CTNNA2: variants seen among roughly 807,000 people sequenced by gnomAD.
CTNNA2 encodes catenin alpha-2.
Under a neutral mutation model 101.0 loss-of-function variants are expected in CTNNA2, and 42 were observed. That is an observed-to-expected ratio of 0.42 (90% CI 0.32 to 0.54). The LOEUF is 0.54. Ranked by LOEUF, CTNNA2 falls within the 20% of genes least tolerant of loss-of-function variation. The pLI, the probability that CTNNA2 is intolerant of heterozygous loss-of-function variation, is 0.14. For missense variants in CTNNA2, 871 were observed against 1,223.1 expected (o/e 0.71, Z 4.29); for synonymous variants, 450 against 456.4 (o/e 0.99, Z 0.18).
chr2:79,353,707 T>C (rs1210900318), intron 3 of CTNNA2, among the ~76,000 whole-genome samples: 1 of 152,154 alleles, frequency 6.6e-6, no homozygotes, highest in African/African-American at 2.4e-5. Context: ...GATCCTGTCA[T>C]TGTGTCGTTA....
At chr2:79,654,387 G>A (rs1006551967) in intron 2 of CTNNA2, among the ~76,000 whole-genome samples, 4 of 152,128 alleles carry the variant, frequency 2.6e-5, no homozygotes, top group Non-Finnish European at 4.4e-5. Flanking sequence ...CTCTAGGGAG[G>A]CATCTAGTTC....
chr2:80,606,986 G>C (rs897601912), intron 16 of CTNNA2, among the ~76,000 whole-genome samples: 2 of 151,870 alleles, frequency 1.3e-5, no homozygotes, highest in African/African-American at 4.8e-5. Flanking sequence ...AACAGTCTCT[G>C]TGGAATTCTT....
At chr2:80,041,666 A>G (rs968052592) in intron 7 of CTNNA2, among the ~76,000 whole-genome samples, 6 of 152,216 alleles carry the variant, frequency 3.9e-5, no homozygotes, top group African/African-American at 7.2e-5. Flanking sequence ...ATGAGTTCCC[A>G]TAGTCATAGT....
At chr2:79,444,148 G>T (rs1421647204) in intron 4 of CTNNA2, among the ~76,000 whole-genome samples, 1 of 152,014 alleles carries the variant, frequency 6.6e-6, no homozygotes. Context: ...TTGCAGCCTG[G>T]TGAGAGATCC....
At chr2:80,443,062 A>AT (rs1488860522) in intron 9 of CTNNA2, among the ~76,000 whole-genome samples, 1 of 152,164 alleles carries the variant, frequency 6.6e-6, no homozygotes. Flanking sequence ...GGAAAGATGA[A>AT]TTTGTAGGCC....
chr2:79,495,866 G>T (rs1433837073), intron 4 of CTNNA2, among the ~76,000 whole-genome samples: 2 of 152,164 alleles, frequency 1.3e-5, no homozygotes, highest in East Asian at 1.9e-4. Context: ...AGTTACAAAA[G>T]ACTACATATA....
intron 2 of CTNNA2, among the ~76,000 whole-genome samples, chr2:79,239,308 C>T (rs1373331533): frequency 6.6e-6 from 1 of 152,132 alleles, no homozygotes; most frequent in East Asian, 1.9e-4. Context: ...AGAAATAAGA[C>T]CACACATCTA....
At chr2:79,647,798 T>G (rs1680928266) in intron 1 of CTNNA2, among the ~76,000 whole-genome samples, 1 of 152,192 alleles carries the variant, frequency 6.6e-6, no homozygotes, top group Non-Finnish European at 1.5e-5. Context: ...CTTGATCATG[T>G]GTTGATGGTT....
chr2:80,536,671 A>G (rs1691053657), intron 9 of CTNNA2, among the ~76,000 whole-genome samples: 1 of 152,224 alleles, frequency 6.6e-6, no homozygotes, highest in Admixed American at 6.5e-5. Flanking sequence ...TTGGAGTTAA[A>G]TGCCTAAATA....
chr2:79,438,346 G>A (rs1405529723), intron 4 of CTNNA2, among the ~76,000 whole-genome samples: 1 of 152,168 alleles, frequency 6.6e-6, no homozygotes, highest in African/African-American at 2.4e-5. Context: ...AACGCACAAA[G>A]CCCTGTGAGG....
At chr2:80,527,191 A>G (rs187419167) in intron 9 of CTNNA2, among the ~76,000 whole-genome samples, 2 of 152,386 alleles carry the variant, frequency 1.3e-5, no homozygotes, top group African/African-American at 2.4e-5. Context: ...ACTCACTTTC[A>G]TAGAGTTGTA....
At chr2:79,796,165 T>TA (rs1675680221) in intron 3 of CTNNA2, among the ~76,000 whole-genome samples, 1 of 152,146 alleles carries the variant, frequency 6.6e-6, no homozygotes, top group African/African-American at 2.4e-5. Flanking sequence ...GCACCCGTCT[T>TA]AACACTGTTA....
chr2:79,336,885 G>A (rs1201578484), intron 3 of CTNNA2, among the ~76,000 whole-genome samples: 1 of 152,142 alleles, frequency 6.6e-6, no homozygotes, highest in African/African-American at 2.4e-5. Flanking sequence ...TTCACTAGAG[G>A]TTCTGGCAGT....
rs558918389 is a variant in CTNNA2, at chr2:80,386,186, T to C, written c.1057-7025T>C. On this transcript the variant is annotated intron_variant, in intron 7 of 18. Transcript: ENST00000402739. ...CAGCCTGGCAGAGAAGAATCAGAGA[T>C]ACATCAGTGTTTCCCTTTTCACCTT... Among the ~76,000 whole-genome samples, 35 of 152,318 alleles carry C rather than the reference T, an allele frequency of 2.3e-4. No individual in the cohort carries two copies. In the South Asian group the frequency reaches 5.8e-3, roughly 25 times the overall value.
chr2:79,412,265 A>G (rs1317887772), intron 4 of CTNNA2, among the ~76,000 whole-genome samples: 6 of 152,088 alleles, frequency 3.9e-5, no homozygotes, highest in Admixed American at 3.9e-4. Context: ...GAGACCAACA[A>G]AGAGACTTAG....
intron 2 of CTNNA2, among the ~76,000 whole-genome samples, chr2:79,202,784 C>T (rs1674054658): frequency 6.6e-6 from 1 of 151,918 alleles, no homozygotes. Flanking sequence ...CATCTCTCTC[C>T]CACAAGCCCA....
intron 7 of CTNNA2, chr2:80,301,936 G>T: frequency 8.4e-6 from 2 of 236,756 alleles, no homozygotes; most frequent in Non-Finnish European, 1.6e-5. Context: ...AAAAATCAAT[G>T]ATTGGTACCT....
chr2:80,498,751 A>G (rs1192970994), intron 9 of CTNNA2, among the ~76,000 whole-genome samples: 1 of 152,168 alleles, frequency 6.6e-6, no homozygotes, highest in African/African-American at 2.4e-5. Flanking sequence ...ATTTCTTAAT[A>G]TGTTTGAATT....
At chr2:79,542,662 C>T (rs1406203391) in intron 1 of CTNNA2, among the ~76,000 whole-genome samples, 2 of 152,080 alleles carry the variant, frequency 1.3e-5, no homozygotes, top group Admixed American at 1.3e-4. Flanking sequence ...AAGTTTATAG[C>T]GTAGTACCTT....
Sources: allele counts gnomAD v4.1 joint callset (sites outside exome capture counted in the v4.1 genomes callset), GRCh38; gene constraint gnomAD v4.1.1; transcripts MANE v1.5; gene names NCBI Gene and HGNC (gene_info 2026-07-23, HGNC 2026-07-21).